The following RUFY1 variants were observed in gnomAD, a reference collection of about 807,000 sequenced individuals.
The protein encoded by RUFY1 is RUN and FYVE domain-containing protein 1.
RUFY1 carries 54 observed loss-of-function variants against 94.6 expected under a neutral mutation model. That is an observed-to-expected ratio of 0.57 (90% CI 0.46 to 0.72). RUFY1 has a LOEUF of 0.72. RUFY1 is among the 30% of genes least tolerant of loss of function. The pLI is 0.00. For missense variants in RUFY1, 883 were observed against 883.9 expected, an observed-to-expected ratio of 1.00 and a Z score of 0.01; for synonymous variants, 396 against 347.3, an observed-to-expected ratio of 1.14 and a Z score of -1.56.
chr5:179,566,311 C>T (rs1281196600), intron 3 of RUFY1, among the ~76,000 whole-genome samples: 2 of 151,606 alleles, frequency 1.3e-5, no homozygotes, highest in Non-Finnish European at 2.9e-5. Flanking sequence ...TGCTAGAATA[C>T]AGAAAAATTA....
intron 6 of RUFY1, 22 bp downstream of exon 6, chr5:179,577,158 A>ATTTTT: frequency 7.6e-6 from 3 of 392,402 alleles, no homozygotes; most frequent in South Asian, 4.0e-5. Flanking sequence ...GTTGTATGTC[A>ATTTTT]CTTTTTTTTT....
chr5:179,592,165 G>A (rs1765172826), intron 10 of RUFY1, among the ~76,000 whole-genome samples: 1 of 151,954 alleles, frequency 6.6e-6, no homozygotes, highest in Non-Finnish European at 1.5e-5. Context: ...TGTCGCCCAG[G>A]CTAGAGTGCA....
intron 6 of RUFY1, among the ~76,000 whole-genome samples, chr5:179,579,257 G>C (rs1174379183): frequency 6.6e-6 from 1 of 152,170 alleles, no homozygotes; most frequent in Non-Finnish European, 1.5e-5. Context: ...TCACCCACTT[G>C]AAATTTAAAC....
intron 7 of RUFY1, 62 bp downstream of exon 7, chr5:179,581,074 G>A: frequency 9.8e-7 from 1 of 1,023,438 alleles, no homozygotes; most frequent in South Asian, 1.4e-5. Flanking sequence ...ATTGCTTCAT[G>A]GAACTTCGAG....
At chr5:179,580,241 G>GTGTGTGTATATA (rs149099074) in intron 6 of RUFY1, among the ~76,000 whole-genome samples, 3,519 of 93,732 alleles carry the variant, frequency 0.038, 82 homozygotes, top group Middle Eastern at 0.11. Flanking sequence ...GTGTGTGTGT[G>GTGTGTGTATATA]TATATTTTTT....
At chr5:179,558,412 A>G (rs901248089) in intron 1 of RUFY1, among the ~76,000 whole-genome samples, 1 of 152,134 alleles carries the variant, frequency 6.6e-6, no homozygotes, top group Non-Finnish European at 1.5e-5. Flanking sequence ...GTCTCTACTA[A>G]AAATACAAAA....
At chr5:179,585,494 G>A (rs1396633335) in intron 7 of RUFY1, among the ~76,000 whole-genome samples, 1 of 152,106 alleles carries the variant, frequency 6.6e-6, no homozygotes, top group Admixed American at 6.6e-5. Flanking sequence ...CTGGAAAATC[G>A]CTTGAACCCG....
rs561657692 is a variant in RUFY1 at position 179,588,537 on chromosome 5, A to G, written c.1027-1009A>G. ...AGGGGAATAAGAGGTCCTCTTGGGCATATCTTCAATGATTTGTTTTTTATT... is the reference window on the plus strand; with the variant it reads ...AGGGGAATAAGAGGTCCTCTTGGGCGTATCTTCAATGATTTGTTTTTTATT... On this transcript the variant is annotated intron_variant, in intron 8 of 17. Coordinates refer to ENST00000319449, the MANE Select transcript of RUFY1 (RefSeq NM_025158.5). Among the ~76,000 whole-genome samples, 4 of 152,290 alleles carry G rather than the reference A, an allele frequency of 2.6e-5. No homozygotes were observed. In the South Asian group the frequency reaches 8.3e-4, roughly 32 times the overall value.
At chr5:179,569,276 C>G in intron 4 of RUFY1, 26 bp from the exon 5 acceptor site, 1 of 1,613,478 alleles carries the variant, frequency 6.2e-7, no homozygotes, top group Non-Finnish European at 8.5e-7. Flanking sequence ...TTCTGAGCAT[C>G]GCCCTGTCCT....
At chr5:179,594,810 A>G (rs892736089) in intron 11 of RUFY1, 56 bp from the exon 12 acceptor site, 21 of 974,062 alleles carry the variant, frequency 2.2e-5, no homozygotes, top group Non-Finnish European at 3.4e-5. Context: ...TGTAATCCAG[A>G]GCAGGTGCAA....
intron 6 of RUFY1, among the ~76,000 whole-genome samples, chr5:179,578,681 T>C (rs981738783): frequency 1.3e-5 from 2 of 152,168 alleles, no homozygotes; most frequent in African/African-American, 4.8e-5. Flanking sequence ...TTCGCTCTTG[T>C]TGACCAGGCT....
intron 15 of RUFY1, among the ~76,000 whole-genome samples, 168 bp from the exon 16 acceptor site, chr5:179,605,708 G>T (rs760066474): frequency 1.2e-4 from 19 of 152,098 alleles, no homozygotes; most frequent in Admixed American, 9.2e-4. Context: ...AGTGTGATGA[G>T]GCAACTCTGG....
chr5:179,557,046 TAATTGAA>T (rs1485467938), intron 1 of RUFY1, among the ~76,000 whole-genome samples: 2 of 152,168 alleles, frequency 1.3e-5, no homozygotes, highest in East Asian at 3.9e-4. Flanking sequence ...TCAAAGCAAA[TAATTGAA>T]AATTACCTGA....
intron 5 of RUFY1, among the ~76,000 whole-genome samples, chr5:179,576,606 A>AG (rs1342296903): frequency 1.3e-5 from 2 of 152,008 alleles, no homozygotes; most frequent in Non-Finnish European, 2.9e-5. Context: ...TTTTTAGTAG[A>AG]GACAGGGTTT....
chr5:179,561,700 T>TTTTTTTTTTTTTTTTTTTTTG (rs764059834), intron 2 of RUFY1, among the ~76,000 whole-genome samples: 27 of 95,578 alleles, frequency 2.8e-4, no homozygotes, highest in East Asian at 5.1e-4. Flanking sequence ...TTTTTTTTTT[T>TTTTTTTTTTTTTTTTTTTTTG]TTTGAAGAGT....
Position 179,594,975 on chromosome 5 carries a change from C to T in RUFY1, c.1511+12C>T. ...CAAATGGAAGAAAGGTAATCACTTCCCCCTGGCAGATATTCTCGGGAAGGC... is the reference window on the plus strand; with the variant it reads ...CAAATGGAAGAAAGGTAATCACTTCTCCCTGGCAGATATTCTCGGGAAGGC... On this transcript the variant is annotated intron_variant, in intron 12 of 17. Transcript: ENST00000319449. The T allele has an allele frequency of 6.4e-7, 1 of 1,568,504 alleles. No homozygotes were observed. Among genetic ancestry groups the T allele is most frequent in the Non-Finnish European group, 8.8e-7 (1 of 1,139,458 alleles).
intron 5 of RUFY1, among the ~76,000 whole-genome samples, chr5:179,574,511 T>A (rs958898008): frequency 2.0e-5 from 3 of 152,254 alleles, no homozygotes; most frequent in African/African-American, 7.2e-5. Flanking sequence ...TAGAACTTAC[T>A]GGTATGACCA....
intron 6 of RUFY1, among the ~76,000 whole-genome samples, chr5:179,577,402 T>TGATC (rs900991773): frequency 4.1e-4 from 62 of 151,284 alleles, no homozygotes; most frequent in African/African-American, 1.4e-3. Flanking sequence ...CTCCTGACCG[T>TGATC]GATCGGCCCG....
intron 6 of RUFY1, among the ~76,000 whole-genome samples, chr5:179,580,532 A>G (rs555877908): frequency 4.7e-5 from 7 of 147,744 alleles, no homozygotes; most frequent in Non-Finnish European, 7.4e-5. Flanking sequence ...GTGAGCCACC[A>G]CGCCTGGCCA....
Sources: gnomAD v4.1 joint callset for allele counts (sites outside exome capture counted in the v4.1 genomes callset) on GRCh38, gnomAD v4.1.1 for gene constraint, MANE v1.5 for transcripts, NCBI Gene and HGNC (gene_info 2026-07-23, HGNC 2026-07-21) for gene names.